PCNX4: variants seen among roughly 807,000 people sequenced by gnomAD.
The protein encoded by PCNX4 is pecanex-like protein 4.
A neutral mutation model predicts 107.2 loss-of-function variants in PCNX4; 103 were observed. That is an observed-to-expected ratio of 0.96 (90% CI 0.82 to 1.13). The LOEUF (loss-of-function observed/expected upper bound fraction) is 1.13. Among genes scored for constraint, PCNX4 ranks in the 50% most tolerant of loss-of-function variants. The probability of loss-of-function intolerance (pLI) is 0.00; values close to 1 mark genes in which losing one functional copy is unlikely to be tolerated. For missense variants in PCNX4, 1,528 were observed against 1,379.4 expected, an observed-to-expected ratio of 1.11 and a Z score of -1.71; for synonymous variants, 541 against 481.7, an observed-to-expected ratio of 1.12 and a Z score of -1.61.
rs1229008178 is a variant in PCNX4, at chr14:60,124,620, A to G, written c.2449A>G (p.Thr817Ala). 7 of 1,613,812 alleles carry G rather than the reference A, an allele frequency of 4.3e-6. No homozygotes were observed. The highest frequency in any genetic ancestry group is 5.1e-6 in the Non-Finnish European group (6 of 1,179,778). ...AGACATAGACAGTTTAAATTCAGAA[A>G]CTTTTAATGACTGGTCTGATGATAA... ...PEDIDSLNSE[T>A]FNDWSDDNIF... Residue 817 changes from threonine (T) to alanine (A), a missense_variant, in exon 9 of 11, where the codon ACT becomes GCT. Thr to Ala is a moderately conservative substitution (Grantham distance 58, BLOSUM62 0). Coordinates refer to ENST00000406854, the MANE Select transcript of PCNX4 (RefSeq NM_001330177.2).
rs1169744612 is a variant in PCNX4 at position 60,125,091 on chromosome 14, A to G, written c.2920A>G (p.Thr974Ala). 2 of 1,613,378 alleles carry G rather than the reference A, an allele frequency of 1.2e-6. No homozygotes were observed. Among genetic ancestry groups the G allele is most frequent in the Admixed American group, 1.7e-5 (1 of 59,886 alleles). ...AGTTTTAAAAGACTTTTATGTTCAT[A>G]CAGTAATGACTTGTTATTTTAGTTT... ...DKVLKDFYVHTVMTCYFSLFG... is the reference protein window; with the variant it reads ...DKVLKDFYVHAVMTCYFSLFG... The change falls in exon 9 of 11, where the codon ACA (threonine) becomes GCA (alanine). Residue 974 changes from threonine to alanine, a missense_variant. By Grantham distance (58) the Thr-to-Ala change is moderately conservative. Coordinates refer to ENST00000406854, the MANE Select transcript of PCNX4 (RefSeq NM_001330177.2).
chr14:60,133,424 G>A (rs1331076292), intron 10 of PCNX4, among the ~76,000 whole-genome samples: 1 of 152,170 alleles, frequency 6.6e-6, no homozygotes, highest in Non-Finnish European at 1.5e-5. Context: ...TGGTTGCTTA[G>A]GGAATGGTCA....
Position 60,121,393 on chromosome 14 carries a change from G to A in PCNX4, c.2046+94G>A, listed in dbSNP as rs888971198. On this transcript the variant is annotated intron_variant, in intron 8 of 10. Transcript: ENST00000406854. The stretch of plus-strand genomic sequence containing the variant: ...ACATCAAACACTCAATTTGAAAGAA[G>A]AATATCTTTTCAATTACCTGTGAAA... 7 of 1,308,970 alleles carry A rather than the reference G, an allele frequency of 5.3e-6. No homozygotes were observed. In the Admixed American group the frequency reaches 1.2e-4, roughly 22 times the overall value. 81.1% of individuals were successfully genotyped at this position (1,308,970 alleles called of 1,614,324 possible).
intron 10 of PCNX4, chr14:60,133,673 C>T (rs541886317): frequency 1.3e-5 from 7 of 549,416 alleles, no homozygotes; most frequent in Non-Finnish European, 2.1e-5. Context: ...GACTATGCAT[C>T]GCTGAGGCAA....
At position 60,147,264 on chromosome 14, in the gene PCNX4, TATAAG is replaced by T. The variant is rs1427224349; in HGVS notation, c.*13048_*13052del. 1.3e-5 allele frequency: 2 copies of T among 152,142 alleles called. No homozygotes were observed. The highest frequency in any genetic ancestry group is 4.8e-5 in the African/African-American group (2 of 41,432). The allele number at this position is 152,142 out of a possible 1,614,324, so 9.4% of individuals were successfully genotyped here. A position where few individuals can be genotyped will look rare whatever the true frequency, so the allele number is the denominator to read the frequency against. On this transcript the variant is annotated 3_prime_UTR_variant, in exon 11 of 11. Transcript: ENST00000406854. ...AAAAAAAATGGTAGATATTTTCAGT[TATAAG>T]ATAAATAACTTATGTTATTATAATT... is the stretch of plus-strand genomic sequence containing the variant.
chr14:60,095,604 TC>T (rs1161560075), intron 1 of PCNX4, among the ~76,000 whole-genome samples: 1 of 152,134 alleles, frequency 6.6e-6, no homozygotes, highest in Non-Finnish European at 1.5e-5. Flanking sequence ...CTTTCACATT[TC>T]CCTTCTTTTT....
At chr14:60,121,375 ACACT>A (rs1895952516) in intron 8 of PCNX4, 76 bp downstream of exon 8, 2 of 1,423,606 alleles carry the variant, frequency 1.4e-6, no homozygotes, top group African/African-American at 2.9e-5. Flanking sequence ...TTCACATCAA[ACACT>A]CAATTTGAAA....
intron 10 of PCNX4, among the ~76,000 whole-genome samples, chr14:60,128,751 G>C (rs1234135023): frequency 6.6e-6 from 1 of 152,158 alleles, no homozygotes; most frequent in Non-Finnish European, 1.5e-5. Context: ...AAAACAATAT[G>C]TATTCATGTA....
chr14:60,101,614 T>C (rs1225245009), intron 1 of PCNX4, among the ~76,000 whole-genome samples: 5 of 152,070 alleles, frequency 3.3e-5, no homozygotes, highest in African/African-American at 4.8e-5. Context: ...TATGGAGGAA[T>C]TGGAACCCTT....
chr14:60,124,864 C>T lies in PCNX4; in HGVS notation c.2693C>T (p.Pro898Leu), dbSNP rs1802293229. Reference sequence around the variant, plus strand: ...AAACAAGAGGACATGCCATATATTCCTCTCATGGAGTTCAGTTGTTCACAT... The same window carrying T: ...AAACAAGAGGACATGCCATATATTCTTCTCATGGAGTTCAGTTGTTCACAT... ...KGKQEDMPYI[P>L]LMEFSCSHSH... is the part of the protein sequence containing the mutation. The change falls in exon 9 of 11, where the codon CCT becomes CTT. Residue 898 changes from proline (P) to leucine (L), a missense_variant. Physicochemically the swap from Pro to Leu is moderately conservative, Grantham distance 98 (BLOSUM62 -3). Transcript: ENST00000406854. 1 of 1,613,782 alleles carries T rather than the reference C, an allele frequency of 6.2e-7. No individual in the cohort carries two copies. Among genetic ancestry groups the T allele is most frequent in the Non-Finnish European group, 8.5e-7 (1 of 1,179,770 alleles).
At chr14:60,123,035 C>G (rs1284615990) in intron 8 of PCNX4, among the ~76,000 whole-genome samples, 1 of 152,128 alleles carries the variant, frequency 6.6e-6, no homozygotes, top group Non-Finnish European at 1.5e-5. Context: ...GTATTTCAAA[C>G]AGCGCTCCGA....
At chr14:60,125,846 CT>C in intron 10 of PCNX4, 23 bp downstream of exon 10, 2 of 1,482,498 alleles carry the variant, frequency 1.3e-6, no homozygotes, top group South Asian at 2.5e-5. Context: ...AATTTTTAAA[CT>C]TACATATACT....
intron 2 of PCNX4, chr14:60,109,536 C>T (rs2140541065): frequency 6.2e-6 from 1 of 162,024 alleles, no homozygotes; most frequent in South Asian, 2.1e-4. Context: ...CGCCTCCTGG[C>T]TTCAAGTGAT....
At chr14:60,102,329 T>TAAAAA (rs1895548188) in intron 1 of PCNX4, among the ~76,000 whole-genome samples, 1 of 151,442 alleles carries the variant, frequency 6.6e-6, no homozygotes, top group Non-Finnish European at 1.5e-5. Flanking sequence ...TTAAAAAAAC[T>TAAAAA]TCAATCACTA....
At chr14:60,124,141 G>T in intron 8 of PCNX4, 77 bp from the exon 9 acceptor site, 1 of 1,145,174 alleles carries the variant, frequency 8.7e-7, no homozygotes, top group South Asian at 1.9e-5. Flanking sequence ...GAGAATCTAT[G>T]GGCATTTACA....
At position 60,115,736 on chromosome 14, in the gene PCNX4, A is replaced by G. The variant is rs1895834101; in HGVS notation, c.1375A>G (p.Ile459Val). 6.2e-7 allele frequency: 1 copy of G among 1,612,814 alleles called. No homozygotes were observed. Among genetic ancestry groups the G allele is most frequent in the Non-Finnish European group, 8.5e-7 (1 of 1,179,262 alleles). Reference protein sequence around the residue: ...LLTLVSPFAMIAFLSLDSSLQ... With the variant: ...LLTLVSPFAMVAFLSLDSSLQ... ...TGTTTTAGTATCACCTTTTGCCATG[A>G]TAGCATTTCTTTCATTGGACAGTTC... The change falls in exon 5 of 11, where the codon ATA becomes GTA. Residue 459 changes from isoleucine to valine, a missense_variant. By Grantham distance (29) the Ile-to-Val change is conservative. Transcript: ENST00000406854.
intron 2 of PCNX4, 198 bp downstream of exon 2, chr14:60,108,525 A>T (rs1895674958): frequency 2.5e-6 from 1 of 399,200 alleles, no homozygotes; most frequent in Non-Finnish European, 4.5e-6. Flanking sequence ...AAACTTATTA[A>T]AGAGTTTTTT....
intron 10 of PCNX4, among the ~76,000 whole-genome samples, chr14:60,127,477 C>G (rs747992313): frequency 8.5e-5 from 13 of 152,166 alleles, no homozygotes; most frequent in Non-Finnish European, 1.8e-4. Context: ...AAAACCATCC[C>G]AAGGTAGCTG....
intron 1 of PCNX4, 132 bp from the exon 2 acceptor site, chr14:60,107,452 AGG>A (rs1895649185): frequency 3.5e-6 from 2 of 569,364 alleles, no homozygotes; most frequent in Non-Finnish European, 6.1e-6. Context: ...TGTGCCAGAA[AGG>A]GGTCTGAGAA....
Sources: allele counts gnomAD v4.1 joint callset (sites outside exome capture counted in the v4.1 genomes callset), GRCh38; gene constraint gnomAD v4.1.1; transcripts MANE v1.5; gene names NCBI Gene and HGNC (gene_info 2026-07-23, HGNC 2026-07-21).